RFTN1: variants seen among roughly 807,000 people sequenced by gnomAD.
The protein encoded by RFTN1 is raftlin, lipid raft linker 1.
Under a neutral mutation model 46.5 loss-of-function variants are expected in RFTN1, and 26 were observed. The observed-to-expected ratio is 0.56, with a 90% CI of 0.41 to 0.78. RFTN1 has a LOEUF of 0.78. RFTN1 is among the 30% of genes least tolerant of loss of function. The pLI is 0.00. For synonymous variants in RFTN1, 261 were observed against 284.2 expected (o/e 0.92, Z 0.82); for missense variants, 693 against 718.7 (o/e 0.96, Z 0.41).
intron 7 of RFTN1, among the ~76,000 whole-genome samples, chr3:16,330,997 G>C (rs1322655522): frequency 6.6e-6 from 1 of 152,222 alleles, no homozygotes; most frequent in Admixed American, 6.5e-5. Flanking sequence ...GAGTTTGAAA[G>C]AAAATATTTT....
Position 16,363,239 on chromosome 3 carries a change from C to T in RFTN1, c.1031-5192G>A, listed in dbSNP as rs537724440. On this transcript the variant is annotated intron_variant, in intron 6 of 9. Coordinates refer to ENST00000334133, the MANE Select transcript of RFTN1 (RefSeq NM_015150.2). The stretch of plus-strand genomic sequence containing the variant: ...CCACTCCTTGTCTCCTCATTACCTT[C>T]ATGGCTCAGCCTCACTATAATGTGC... 6.6e-5 allele frequency among the ~76,000 whole-genome samples: 10 copies of T among 152,256 alleles called. No homozygotes were observed. In the East Asian group the frequency reaches 1.9e-3, roughly 29 times the overall value.
At position 16,356,843 on chromosome 3, in the gene RFTN1, C is replaced by T. The variant is rs941379843; in HGVS notation, c.1146+1089G>A. Among the ~76,000 whole-genome samples, 8 of 152,220 alleles carry T rather than the reference C, an allele frequency of 5.3e-5. No homozygotes were observed. Among genetic ancestry groups the T allele is most frequent in the Admixed American group, 2.0e-4 (3 of 15,288 alleles). On this transcript the variant is annotated intron_variant, in intron 7 of 9. Coordinates refer to ENST00000334133, the MANE Select transcript of RFTN1 (RefSeq NM_015150.2). The surrounding 1 kb of genome is among the most constrained non-coding windows in gnomAD (Gnocchi z 4.9). ...AGTTCTCTATGTCCATGGCTGGGCA[C>T]GGTGGCTCACGCTGTAATCCCAGCA... is the stretch of plus-strand genomic sequence containing the variant.
rs185137367 is a variant in RFTN1 at position 16,355,010 on chromosome 3, C to T, written c.1146+2922G>A. Reference sequence around the variant, plus strand: ...TGTTCCTCATTTCCATCTAAGACCTCATCAGAATGGCCTTTACTGTCCATA... The same window carrying T: ...TGTTCCTCATTTCCATCTAAGACCTTATCAGAATGGCCTTTACTGTCCATA... On this transcript the variant is annotated intron_variant, in intron 7 of 9. Transcript: ENST00000334133. Among the ~76,000 whole-genome samples the T allele has an allele frequency of 5.0e-3, 762 of 152,328 alleles. 4 individuals are homozygous for T. The highest frequency in any genetic ancestry group is 0.01 in the Middle Eastern group (3 of 294).
rs2074211741 is a variant in RFTN1 at position 16,387,273 on chromosome 3, C to T, written c.442-9171G>A. Among the ~76,000 whole-genome samples the T allele has an allele frequency of 6.6e-6, 1 of 152,226 alleles. No homozygotes were observed. Among genetic ancestry groups the T allele is most frequent in the Admixed American group, 6.5e-5 (1 of 15,284 alleles). ...CCAAGGCTGAGGCCACACGGCCACC[C>T]TGCAGTGGCTCCCTTCCTCCCTGAT... On this transcript the variant is annotated intron_variant, in intron 4 of 9. Transcript: ENST00000334133. This position sits in a 1 kb window ranked among gnomAD's most constrained non-coding sequence, Gnocchi z 5.2.
rs1186265638 is a variant in RFTN1 at position 16,425,750 on chromosome 3, C to A, written c.332+8101G>T. Reference sequence around the variant, plus strand: ...TGCAAACAAATAATTAACGGTGAATCCTGAAACTTCAACACACCAGAAAAG... The same window carrying A: ...TGCAAACAAATAATTAACGGTGAATACTGAAACTTCAACACACCAGAAAAG... On this transcript the variant is annotated intron_variant, in intron 3 of 9. Transcript: ENST00000334133. This position sits in a 1 kb window ranked among gnomAD's most constrained non-coding sequence, Gnocchi z 4.3. Among the ~76,000 whole-genome samples the A allele has an allele frequency of 6.6e-6, 1 of 151,888 alleles. No homozygotes were observed. Among genetic ancestry groups the A allele is most frequent in the African/African-American group, 2.4e-5 (1 of 41,352 alleles).
Position 16,437,081 on chromosome 3 carries a change from TG to T in RFTN1, c.146-3045del, listed in dbSNP as rs560759533. Among the ~76,000 whole-genome samples, 36 of 152,352 alleles carry T rather than the reference TG, an allele frequency of 2.4e-4. 1 individual carries two copies. In the East Asian group the frequency reaches 6.6e-3, roughly 28 times the overall value. On this transcript the variant is annotated intron_variant, in intron 2 of 9. Transcript: ENST00000334133. ...ATTTTGATTTGGTCAAGTCTTCCTT[TG>T]GGTCCCTCTGGAGCATGCTAAAGTT...
Position 16,465,209 on chromosome 3 carries a change from C to T in RFTN1, c.145+28516G>A, listed in dbSNP as rs966601165. The stretch of plus-strand genomic sequence containing the variant: ...AATGGAAGGCAACTATTCAAGGATG[C>T]CACTTCAAGGTAAAAAAAAAAAAAG... On this transcript the variant is annotated intron_variant, in intron 2 of 9. Coordinates refer to ENST00000334133, the MANE Select transcript of RFTN1 (RefSeq NM_015150.2). This position sits in a 1 kb window ranked among gnomAD's most constrained non-coding sequence, Gnocchi z 5.1. 4.7e-5 allele frequency among the ~76,000 whole-genome samples: 7 copies of T among 149,746 alleles called. No individual in the cohort carries two copies. Among genetic ancestry groups the T allele is most frequent in the Non-Finnish European group, 8.9e-5 (6 of 67,460 alleles).
In RFTN1 at chr3:16,466,727, A is replaced by AAGAACTAT. The variant is rs2124939316; in HGVS notation, c.145+26990_145+26997dup. On this transcript the variant is annotated intron_variant, in intron 2 of 9. Coordinates refer to ENST00000334133, the MANE Select transcript of RFTN1 (RefSeq NM_015150.2). This position sits in a 1 kb window ranked among gnomAD's most constrained non-coding sequence, Gnocchi z 5.6. ...AACAAGACTGCCAGCTTCTCAAAGCAAGAACTATACTGAGGTAGGTATAGA... is the reference window on the plus strand; with the variant it reads ...AACAAGACTGCCAGCTTCTCAAAGCAAGAACTATAGAACTATACTGAGGTAGGTATAGA... Among the ~76,000 whole-genome samples the AAGAACTAT allele has an allele frequency of 6.6e-6, 1 of 152,334 alleles. No individual in the cohort carries two copies. The highest frequency in any genetic ancestry group is 2.4e-5 in the African/African-American group (1 of 41,580).
chr3:16,493,977 A>C, intron 1 of RFTN1, 100 bp from the exon 2 acceptor site: 1 of 1,291,270 alleles, frequency 7.7e-7, no homozygotes, highest in Admixed American at 1.9e-5. Flanking sequence ...TGAAGAATAC[A>C]TGACAGACCT....
At chr3:16,330,143 A>C (rs1024494333) in intron 7 of RFTN1, among the ~76,000 whole-genome samples, 1 of 152,068 alleles carries the variant, frequency 6.6e-6, no homozygotes, top group Non-Finnish European at 1.5e-5. Context: ...CAACAAAACA[A>C]CCCTGCTTGA....
rs760117139 is a variant in RFTN1, at chr3:16,329,180, G to A, written c.1147-2304C>T. On this transcript the variant is annotated intron_variant, in intron 7 of 9. Transcript: ENST00000334133. The surrounding 1 kb of genome is among the most constrained non-coding windows in gnomAD (Gnocchi z 4.5). ...CCCCTCTTTTCTGCGCTTCCGCCTC[G>A]GGATGACGCAGCAAGAAGGCCCTCA... is the stretch of plus-strand genomic sequence containing the variant. 4.6e-5 allele frequency among the ~76,000 whole-genome samples: 7 copies of A among 152,186 alleles called. No homozygotes were observed. Among genetic ancestry groups the A allele is most frequent in the Non-Finnish European group, 7.4e-5 (5 of 68,022 alleles).
intron 3 of RFTN1, among the ~76,000 whole-genome samples, chr3:16,416,564 T>C (rs1391302030): frequency 6.6e-6 from 1 of 152,224 alleles, no homozygotes; most frequent in African/African-American, 2.4e-5. Flanking sequence ...CATATGAGAA[T>C]TCTCTGGAAT....
In RFTN1 at chr3:16,402,129, A is replaced by G. The variant is rs1381405934; in HGVS notation, c.441+7246T>C. Among the ~76,000 whole-genome samples, 1 of 152,080 alleles carries G rather than the reference A, an allele frequency of 6.6e-6. No individual in the cohort carries two copies. Among genetic ancestry groups the G allele is most frequent in the Non-Finnish European group, 1.5e-5 (1 of 67,996 alleles). On this transcript the variant is annotated intron_variant, in intron 4 of 9. Transcript: ENST00000334133. The surrounding 1 kb of genome is among the most constrained non-coding windows in gnomAD (Gnocchi z 4.5). The stretch of plus-strand genomic sequence containing the variant: ...CACCTCTCTGCCCCCAGGGCTCCTC[A>G]TGCTGTGTTCTTGGTCCTTACAGAT...
chr3:16,415,385 T>C (rs555753130), intron 3 of RFTN1, among the ~76,000 whole-genome samples: 12 of 131,858 alleles, frequency 9.1e-5, no homozygotes, highest in Non-Finnish European at 1.7e-4. Flanking sequence ...GACATCCAAG[T>C]TGAGATGTCT....
At chr3:16,502,254 G>A (rs1004002414) in intron 1 of RFTN1, among the ~76,000 whole-genome samples, 12 of 151,982 alleles carry the variant, frequency 7.9e-5, no homozygotes, top group Non-Finnish European at 1.8e-4. Flanking sequence ...CCAGCTACTC[G>A]GGAGGCTGAA....
chr3:16,347,755 A>G (rs1473887251), intron 7 of RFTN1: 1 of 152,204 alleles, frequency 6.6e-6, no homozygotes, highest in African/African-American at 2.4e-5. Context: ...CACTGTAAGC[A>G]TTTTGTTTAA....
intron 2 of RFTN1, chr3:16,482,930 T>G: frequency 9.0e-7 from 1 of 1,106,762 alleles, no homozygotes; most frequent in African/African-American, 1.6e-5. Context: ...CCCACCCAAC[T>G]CTGACCCTGG....
chr3:16,487,965 T>C (rs1031027794), intron 2 of RFTN1, among the ~76,000 whole-genome samples: 3 of 152,356 alleles, frequency 2.0e-5, no homozygotes, highest in Middle Eastern at 3.4e-3. Flanking sequence ...TGGCAGCTTA[T>C]GTGCTTCACT....
Position 16,404,405 on chromosome 3 carries a change from A to AATATATATAATATATAAT in RFTN1, c.441+4969_441+4970insATTATATATTATATATAT, listed in dbSNP as rs1430456404. Among the ~76,000 whole-genome samples, 3 of 99,784 alleles carry AATATATATAATATATAAT rather than the reference A, an allele frequency of 3.0e-5. 1 individual carries two copies. The highest frequency in any genetic ancestry group is 5.6e-5 in the Non-Finnish European group (3 of 53,166). 65.5% of individuals were successfully genotyped at this position (99,784 alleles called of 152,430 possible). ...AATATATAATATATATACAATATAT[A>AATATATATAATATATAAT]ATATATATACACAATATACATATAT... is the stretch of plus-strand genomic sequence containing the variant. On this transcript the variant is annotated intron_variant, in intron 4 of 9. Transcript: ENST00000334133.
Sources: allele counts gnomAD v4.1 joint callset (sites outside exome capture counted in the v4.1 genomes callset), GRCh38; gene constraint gnomAD v4.1.1; non-coding constraint Gnocchi (gnomAD v3.1); transcripts MANE v1.5; gene names NCBI Gene and HGNC (gene_info 2026-07-23, HGNC 2026-07-21).